Variants in ZNF385D observed in about 807,000 individuals in gnomAD.
ZNF385D encodes the protein zinc finger protein 659.
A neutral mutation model predicts 35.8 loss-of-function variants in ZNF385D; 15 were observed. The observed-to-expected ratio is 0.42, with a 90% CI of 0.28 to 0.64. ZNF385D has a LOEUF of 0.64. Among genes scored for constraint, ZNF385D ranks in the 30% least tolerant of loss-of-function variants. ZNF385D has a pLI of 0.23. For synonymous variants in ZNF385D, 212 were observed against 186.8 expected (o/e 1.13, Z -1.10); for missense variants, 474 against 494.6 (o/e 0.96, Z 0.39).
intron 4 of ZNF385D, among the ~76,000 whole-genome samples, chr3:21,479,347 CAT>C (rs1189397960): frequency 3.9e-5 from 6 of 152,030 alleles, no homozygotes; most frequent in East Asian, 1.9e-4. Context: ...GTAATTAACA[CAT>C]GTTATGATGT....
intron 3 of ZNF385D, among the ~76,000 whole-genome samples, chr3:21,863,891 T>C (rs1051655088): frequency 6.6e-6 from 1 of 152,078 alleles, no homozygotes; most frequent in African/African-American, 2.4e-5. Flanking sequence ...TTTTCAAACA[T>C]TAATGCGCAC....
chr3:21,965,824 A>C (rs1046153131), intron 3 of ZNF385D, among the ~76,000 whole-genome samples: 7 of 152,226 alleles, frequency 4.6e-5, no homozygotes, highest in African/African-American at 1.7e-4. Flanking sequence ...ACAACACTTA[A>C]GTAGCTCAAA....
intron 2 of ZNF385D, among the ~76,000 whole-genome samples, chr3:22,189,893 C>T (rs1695901173): frequency 6.6e-6 from 1 of 152,056 alleles, no homozygotes; most frequent in Non-Finnish European, 1.5e-5. Flanking sequence ...CATTTCCTTC[C>T]AAATGATATT....
In ZNF385D at chr3:21,940,007, G is replaced by C. The variant is rs185846515; in HGVS notation, c.325+228810C>G. On this transcript the variant is annotated intron_variant, in intron 3 of 5. Coordinates refer to the ZNF385D transcript ENST00000494108. ...TAGACTAACCAGTGAGGAAGGAAAA[G>C]TTAGAGCTAAATGAATTTTCTCTGA... 4.6e-3 allele frequency among the ~76,000 whole-genome samples: 697 copies of C among 152,302 alleles called. 14 individuals carry two copies. The highest frequency in any genetic ancestry group is 4.4e-3 in the Non-Finnish European group (302 of 68,018).
chr3:21,895,486 C>A (rs927735027), intron 3 of ZNF385D, among the ~76,000 whole-genome samples: 2 of 149,928 alleles, frequency 1.3e-5, no homozygotes, highest in African/African-American at 4.9e-5. Flanking sequence ...TAGCACCATG[C>A]CTGGCTAATT....
At position 22,037,108 on chromosome 3, in the gene ZNF385D, T is replaced by C. The variant is rs143633277; in HGVS notation, c.325+131709A>G. On this transcript the variant is annotated intron_variant, in intron 3 of 5. Coordinates refer to the ZNF385D transcript ENST00000494108. ...TGCCACATTTTCTTAATCCAGTCTA[T>C]CGTTGTTGGGTATTTGGGTTGGTTC... 8.7e-4 allele frequency among the ~76,000 whole-genome samples: 133 copies of C among 152,204 alleles called. 1 individual carries two copies. The highest frequency in any genetic ancestry group is 5.6e-3 in the East Asian group (29 of 5,174).
chr3:21,941,595 T>G lies in ZNF385D; in HGVS notation c.325+227222A>C, dbSNP rs1684483. 8.6e-3 allele frequency among the ~76,000 whole-genome samples: 1,266 copies of G among 147,962 alleles called. 15 individuals carry two copies. Among genetic ancestry groups the G allele is most frequent in the Middle Eastern group, 0.05 (14 of 278 alleles). On this transcript the variant is annotated intron_variant, in intron 3 of 5. Transcript: ENST00000494108. ...TCACTGCAACCTCCGCCTCCCGGGT[T>G]CACGCCATTCTCCTGCCTCAGCCTC...
chr3:21,982,312 A>G (rs1694511914), intron 3 of ZNF385D, among the ~76,000 whole-genome samples: 1 of 151,830 alleles, frequency 6.6e-6, no homozygotes, highest in African/African-American at 2.4e-5. Context: ...CTGTATTTCT[A>G]GGTTTTCTAG....
chr3:21,771,635 G>T (rs2071082030), intron 3 of ZNF385D, among the ~76,000 whole-genome samples: 1 of 151,920 alleles, frequency 6.6e-6, no homozygotes, highest in South Asian at 2.1e-4. Flanking sequence ...GAATAAAATA[G>T]AGATAGCAAG....
intron 3 of ZNF385D, among the ~76,000 whole-genome samples, chr3:22,034,019 T>C (rs1323728319): frequency 6.6e-6 from 1 of 152,184 alleles, no homozygotes; most frequent in Non-Finnish European, 1.5e-5. Flanking sequence ...AAGTCCTGCT[T>C]TCAGAGAACC....
intron 3 of ZNF385D, among the ~76,000 whole-genome samples, chr3:21,540,056 A>G (rs2062135036): frequency 6.6e-6 from 1 of 152,214 alleles, no homozygotes; most frequent in African/African-American, 2.4e-5. Context: ...CAAACGTTCT[A>G]GTAATACATA....
chr3:21,640,840 C>T (rs931677503), intron 2 of ZNF385D, among the ~76,000 whole-genome samples: 43 of 152,084 alleles, frequency 2.8e-4, no homozygotes, highest in African/African-American at 9.4e-4. Flanking sequence ...GTACCTCTAG[C>T]GACAGGGAGC....
upstream of ZNF385D, among the ~76,000 whole-genome samples, chr3:21,753,764 GT>G (rs2070210882): frequency 3.9e-5 from 2 of 51,150 alleles, no homozygotes; most frequent in Admixed American, 4.3e-4. Context: ...TGCAACTTTG[GT>G]GGTTGTTGTT....
In ZNF385D at chr3:22,251,761, A is replaced by C. The variant is rs140109087; in HGVS notation, c.107-82726T>G. Among the ~76,000 whole-genome samples the C allele has an allele frequency of 1.7e-3, 259 of 152,158 alleles. 1 individual carries two copies. The highest frequency in any genetic ancestry group is 2.9e-3 in the Admixed American group (44 of 15,258). On this transcript the variant is annotated intron_variant, in intron 2 of 5. Coordinates refer to the ZNF385D transcript ENST00000494108. ...CTTAGACCTACCTCTACACACAGGG[A>C]AATAATATAGCACAGTGGTTCAGAG... is the stretch of plus-strand genomic sequence containing the variant.
intron 3 of ZNF385D, among the ~76,000 whole-genome samples, chr3:21,800,280 A>G (rs985843383): frequency 3.9e-5 from 6 of 152,206 alleles, no homozygotes; most frequent in African/African-American, 7.2e-5. Flanking sequence ...TACACAAAAA[A>G]TGTTTATTGG....
intron 3 of ZNF385D, among the ~76,000 whole-genome samples, chr3:21,559,412 C>T (rs1287779166): frequency 6.6e-6 from 1 of 152,156 alleles, no homozygotes; most frequent in Non-Finnish European, 1.5e-5. Context: ...TTCTCCTTCA[C>T]TTACAAAGCT....
chr3:22,201,536 G>A (rs1576487253), intron 2 of ZNF385D, among the ~76,000 whole-genome samples: 1 of 151,982 alleles, frequency 6.6e-6, no homozygotes, highest in East Asian at 1.9e-4. Context: ...AAAAAAGAAA[G>A]AAGTTAGGTT....
chr3:21,890,294 G>T (rs779025), intron 3 of ZNF385D, among the ~76,000 whole-genome samples: 1 of 152,170 alleles, frequency 6.6e-6, no homozygotes, highest in East Asian at 1.9e-4. Flanking sequence ...AAGTGGGAAA[G>T]AAAGAATGAT....
chr3:21,855,164 T>C (rs1243945568), intron 3 of ZNF385D, among the ~76,000 whole-genome samples: 1 of 152,086 alleles, frequency 6.6e-6, no homozygotes, highest in African/African-American at 2.4e-5. Context: ...TCTCTGAAAG[T>C]AACAGCATAT....
Sources: allele counts gnomAD v4.1 joint callset (sites outside exome capture counted in the v4.1 genomes callset), GRCh38; gene constraint gnomAD v4.1.1; transcripts MANE v1.5; gene names NCBI Gene and HGNC (gene_info 2026-07-23, HGNC 2026-07-21).